Variants in MAP2 observed in about 807,000 individuals in gnomAD.
MAP2 encodes the protein microtubule associated protein 2.
In MAP2, 14 loss-of-function variants were observed where a neutral mutation model predicts 137.6. The ratio of observed to expected loss-of-function variants is 0.10; its 90% CI spans 0.07 to 0.16. The LOEUF (loss-of-function observed/expected upper bound fraction) is 0.16, where lower values mean the gene tolerates loss of function less well. Among genes scored for constraint, MAP2 ranks in the 10% least tolerant of loss-of-function variants. The pLI is 1.00. For missense variants in MAP2, 2,088 were observed against 2,191.5 expected, an observed-to-expected ratio of 0.95 and a Z score of 0.94; for synonymous variants, 786 against 782.3, an observed-to-expected ratio of 1.00 and a Z score of -0.08.
intron 1 of MAP2, among the ~76,000 whole-genome samples, chr2:209,507,146 G>C (rs2061174611): frequency 6.6e-6 from 1 of 152,100 alleles, no homozygotes; most frequent in Non-Finnish European, 1.5e-5. Context: ...GGGGGATTAG[G>C]ATCTCAACAT....
At chr2:209,710,606 C>T (rs1228049996) in intron 13 of MAP2, 2 of 186,188 alleles carry the variant, frequency 1.1e-5, no homozygotes, top group Non-Finnish European at 2.2e-5. Flanking sequence ...AGTTTCTGAC[C>T]ATGAGCTCAT....
chr2:209,600,450 C>T (rs909559121), intron 3 of MAP2, among the ~76,000 whole-genome samples: 1 of 152,106 alleles, frequency 6.6e-6, no homozygotes, highest in African/African-American at 2.4e-5. Context: ...TGCTGTCAGT[C>T]CCCCCAGCTG....
At chr2:209,605,399 G>A (rs973522356) in intron 3 of MAP2, among the ~76,000 whole-genome samples, 1 of 152,132 alleles carries the variant, frequency 6.6e-6, no homozygotes, top group Admixed American at 6.6e-5. Flanking sequence ...AAAACATAGT[G>A]AAGGAAAGTT....
In MAP2 at chr2:209,733,751, T is replaced by G. The variant is rs1314158426; in HGVS notation, c.*3354T>G. ...CTAAAATAAGCATTGATGTTTTGAG[T>G]TTTTTTACACCTAGGATTTTTAGCT... On this transcript the variant is annotated 3_prime_UTR_variant, in exon 16 of 16. Transcript: ENST00000682079. The G allele has an allele frequency of 6.6e-6, 1 of 152,270 alleles. No individual in the cohort carries two copies. The highest frequency in any genetic ancestry group is 1.5e-5 in the Non-Finnish European group (1 of 68,006). The allele number at this position is 152,270 out of a possible 1,614,324, so 9.4% of individuals were successfully genotyped here. A position where few individuals can be genotyped will look rare whatever the true frequency, so the allele number is the denominator to read the frequency against.
At chr2:209,452,086 C>CTA (rs1432983844) in intron 1 of MAP2, among the ~76,000 whole-genome samples, 24 of 152,266 alleles carry the variant, frequency 1.6e-4, no homozygotes, top group African/African-American at 5.8e-4. Flanking sequence ...CCCAAAAGAA[C>CTA]ACCTTGAAAT....
chr2:209,653,382 A>C lies in MAP2; in HGVS notation c.212A>C (p.Lys71Thr), dbSNP rs781610019. 1 of 1,613,720 alleles carries C rather than the reference A, an allele frequency of 6.2e-7. No individual in the cohort carries two copies. The highest frequency in any genetic ancestry group is 1.1e-5 in the South Asian group (1 of 91,004). Residue 71 changes from lysine (K) to threonine (T), a missense_variant, in exon 5 of 16, where the codon AAA becomes ACA. Around this residue, in one of 6 missense-constraint regions of MAP2, gnomAD observed 859 missense variants for 794.5 expected, o/e 1.08. Transcript: ENST00000682079. ...HGSQGTYSNT[K>T]ENGINGELTS... ...TCACAGGGCACCTATTCAAATACCA[A>C]AGAGAATGGGATCAACGGAGAGCTG...
intron 1 of MAP2, among the ~76,000 whole-genome samples, chr2:209,460,117 C>G (rs1318657267): frequency 1.3e-5 from 2 of 152,188 alleles, no homozygotes; most frequent in Non-Finnish European, 2.9e-5. Context: ...TCAGTTTTTA[C>G]AAACCTGTTT....
intron 2 of MAP2, among the ~76,000 whole-genome samples, chr2:209,522,230 T>A (rs1454560827): frequency 6.6e-6 from 1 of 151,986 alleles, no homozygotes; most frequent in Non-Finnish European, 1.5e-5. Context: ...AAGGAGCTAA[T>A]CAGATTAGAA....
intron 2 of MAP2, among the ~76,000 whole-genome samples, chr2:209,564,906 T>C (rs2073067778): frequency 6.6e-6 from 1 of 152,160 alleles, no homozygotes; most frequent in South Asian, 2.1e-4. Context: ...TTTCTGCCTT[T>C]TTTCACTCAA....
intron 2 of MAP2, among the ~76,000 whole-genome samples, chr2:209,578,419 GAA>G (rs67981173): frequency 1.3e-4 from 18 of 141,396 alleles, no homozygotes; most frequent in African/African-American, 1.8e-4. Flanking sequence ...TTTCAAGAAG[GAA>G]AAAAAAAAAA....
chr2:209,434,833 C>CTATA (rs869181860), intron 1 of MAP2, among the ~76,000 whole-genome samples: 14 of 93,190 alleles, frequency 1.5e-4, no homozygotes, highest in East Asian at 3.9e-4. Flanking sequence ...CTCTCTCTCT[C>CTATA]TATATATATA....
intron 1 of MAP2, among the ~76,000 whole-genome samples, chr2:209,481,584 C>CTGTGG (rs2149833756): frequency 6.6e-6 from 1 of 152,262 alleles, no homozygotes; most frequent in South Asian, 2.1e-4. Context: ...TAGGATTGGA[C>CTGTGG]TGTGTGTGGT....
rs2153722430 is a variant in MAP2, at chr2:209,695,159, G to A, written c.2989G>A (p.Glu997Lys). ...IETFGLGVTY[E>K]QALAKDLSIP... ...AACATTCGGATTAGGAGTAACCTAT[G>A]AGCAAGCTTTGGCCAAAGATTTGTC... The change falls in exon 8 of 16, where the codon GAG becomes AAG. Residue 997 changes from glutamate (E) to lysine (K), a missense_variant. This residue lies in a region of MAP2 where 500 missense variants were observed against 482.9 expected (regional missense o/e 1.04). Transcript: ENST00000682079. The A allele has an allele frequency of 6.2e-7, 1 of 1,614,176 alleles. No homozygotes were observed. The highest frequency in any genetic ancestry group is 2.2e-5 in the East Asian group (1 of 44,868).
intron 1 of MAP2, among the ~76,000 whole-genome samples, chr2:209,424,490 C>T (rs1420527325): frequency 6.6e-6 from 1 of 152,190 alleles, no homozygotes; most frequent in Non-Finnish European, 1.5e-5. Context: ...GGGGGCCGGA[C>T]GCTACTGGTA....
intron 3 of MAP2, among the ~76,000 whole-genome samples, chr2:209,614,636 T>C (rs2088448880): frequency 6.6e-6 from 1 of 152,202 alleles, no homozygotes; most frequent in South Asian, 2.1e-4. Context: ...CTCACTCAAT[T>C]AAGAGAAACT....
intron 2 of MAP2, among the ~76,000 whole-genome samples, chr2:209,551,239 T>C (rs947958555): frequency 1.3e-5 from 2 of 152,160 alleles, no homozygotes; most frequent in Non-Finnish European, 2.9e-5. Context: ...ATAGATTGCA[T>C]ATGGTATCTG....
chr2:209,472,100 T>A (rs1218412488), intron 1 of MAP2, among the ~76,000 whole-genome samples: 1 of 152,192 alleles, frequency 6.6e-6, no homozygotes, highest in Non-Finnish European at 1.5e-5. Context: ...TAAATTTTAT[T>A]TTGTATATAT....
chr2:209,457,996 A>G (rs1331361424), intron 1 of MAP2, among the ~76,000 whole-genome samples: 1 of 152,128 alleles, frequency 6.6e-6, no homozygotes, highest in Non-Finnish European at 1.5e-5. Flanking sequence ...TTTTTTTGTT[A>G]AATTTTAAAA....
intron 1 of MAP2, among the ~76,000 whole-genome samples, chr2:209,456,890 C>G (rs1005542278): frequency 6.6e-6 from 1 of 152,150 alleles, no homozygotes; most frequent in Non-Finnish European, 1.5e-5. Context: ...ATCTTTGTGT[C>G]ATGGTCTTTG....
Sources: gnomAD v4.1 joint callset for allele counts (sites outside exome capture counted in the v4.1 genomes callset) on GRCh38, gnomAD v4.1.1 for gene constraint, gnomAD v4.1.1 regional missense constraint, MANE v1.5 for transcripts, NCBI Gene and HGNC (gene_info 2026-07-23, HGNC 2026-07-21) for gene names.